The following ZNF407 variants were observed in gnomAD, a reference collection of about 807,000 sequenced individuals.
ZNF407 encodes zinc finger protein 407.
Under a neutral mutation model 131.2 loss-of-function variants are expected in ZNF407, and 17 were observed. That is an observed-to-expected ratio of 0.13 (90% CI 0.09 to 0.19). The LOEUF is 0.19. ZNF407 is among the 10% of genes least tolerant of loss of function. The pLI is 1.00. For synonymous variants in ZNF407, 1,156 were observed against 1,062.0 expected, an observed-to-expected ratio of 1.09 and a Z score of -1.72; for missense variants, 2,681 against 2,830.6, an observed-to-expected ratio of 0.95 and a Z score of 1.20.
chr18:74,737,198 G>T (rs1968437562), intron 3 of ZNF407, among the ~76,000 whole-genome samples: 1 of 152,122 alleles, frequency 6.6e-6, no homozygotes, highest in Non-Finnish European at 1.5e-5. Flanking sequence ...AGGCATTTTT[G>T]ATTTATTTGT....
chr18:74,936,922 T>C (rs1417418698), intron 8 of ZNF407, among the ~76,000 whole-genome samples: 1 of 152,240 alleles, frequency 6.6e-6, no homozygotes, highest in East Asian at 1.9e-4. Context: ...TTCTTTGACT[T>C]TGTGAAATTT....
intron 3 of ZNF407, among the ~76,000 whole-genome samples, chr18:74,755,771 T>TTCTTTCTTTCTTTC (rs1265035731): frequency 2.5e-4 from 33 of 130,572 alleles, no homozygotes; most frequent in Non-Finnish European, 4.2e-4. Context: ...CTTTCTTTCT[T>TTCTTTCTTTCTTTC]TCTCTCTCTC....
chr18:74,673,381 G>A (rs79289128), intron 3 of ZNF407, among the ~76,000 whole-genome samples: 38 of 152,300 alleles, frequency 2.5e-4, no homozygotes, highest in African/African-American at 6.7e-4. Flanking sequence ...TTGTCCAGGC[G>A]TTTGTGCTCA....
chr18:74,852,013 T>TG (rs1970791147), intron 4 of ZNF407, among the ~76,000 whole-genome samples: 1 of 152,176 alleles, frequency 6.6e-6, no homozygotes, highest in African/African-American at 2.4e-5. Flanking sequence ...TGGCAGTGGT[T>TG]GGGTCATAGA....
intron 4 of ZNF407, among the ~76,000 whole-genome samples, chr18:74,841,650 T>C (rs1970635484): frequency 6.6e-6 from 1 of 152,230 alleles, no homozygotes. Context: ...ATGATGTTAA[T>C]TGTAGAATCA....
chr18:74,692,175 T>A (rs1967240791), intron 3 of ZNF407, among the ~76,000 whole-genome samples: 1 of 152,040 alleles, frequency 6.6e-6, no homozygotes, highest in African/African-American at 2.4e-5. Flanking sequence ...ATATGCCTGA[T>A]GATGGCCGTA....
Position 74,859,268 on chromosome 18 carries a change from T to A in ZNF407, c.4878-17929T>A, listed in dbSNP as rs555218034. Among the ~76,000 whole-genome samples, 21 of 152,328 alleles carry A rather than the reference T, an allele frequency of 1.4e-4. No homozygotes were observed. The East Asian group carries it at 4.0e-3, about 29-fold the overall frequency. ...CCATTATAAGTAACATCACCCTTTGTGATTCCCAAAACTGTTTCTATCACA... is the reference window on the plus strand; with the variant it reads ...CCATTATAAGTAACATCACCCTTTGAGATTCCCAAAACTGTTTCTATCACA... On this transcript the variant is annotated intron_variant, in intron 4 of 8. Coordinates refer to ENST00000299687, the MANE Select transcript of ZNF407 (RefSeq NM_017757.3).
At chr18:74,667,379 A>C (rs1175815899) in intron 3 of ZNF407, among the ~76,000 whole-genome samples, 2 of 152,220 alleles carry the variant, frequency 1.3e-5, no homozygotes, top group African/African-American at 4.8e-5. Flanking sequence ...TAGTACATAC[A>C]GCTTTAATAA....
chr18:75,034,787 T>C (rs1224529522), intron 8 of ZNF407, among the ~76,000 whole-genome samples: 2 of 152,218 alleles, frequency 1.3e-5, no homozygotes, highest in African/African-American at 4.8e-5. Context: ...CATAATGCTA[T>C]TGTGTAGAAG....
At chr18:74,843,453 T>G (rs1221294439) in intron 4 of ZNF407, among the ~76,000 whole-genome samples, 2 of 152,198 alleles carry the variant, frequency 1.3e-5, no homozygotes, top group African/African-American at 2.4e-5. Flanking sequence ...TGAACAAAAG[T>G]GTACCTTATC....
At chr18:74,927,821 A>G (rs1359598246) in intron 8 of ZNF407, among the ~76,000 whole-genome samples, 1 of 148,038 alleles carries the variant, frequency 6.8e-6, no homozygotes, top group African/African-American at 2.5e-5. Flanking sequence ...AACAACAAAC[A>G]TATATATGTG....
At chr18:74,936,437 G>C (rs1972040887) in intron 8 of ZNF407, among the ~76,000 whole-genome samples, 1 of 152,188 alleles carries the variant, frequency 6.6e-6, no homozygotes, top group Non-Finnish European at 1.5e-5. Flanking sequence ...CGTTTTATCT[G>C]AGTGTTTGTT....
chr18:74,893,440 G>C lies in ZNF407; in HGVS notation c.5249+3402G>C, dbSNP rs894930110. On this transcript the variant is annotated intron_variant, in intron 7 of 8. Coordinates refer to ENST00000299687, the MANE Select transcript of ZNF407 (RefSeq NM_017757.3). ...TATGAATAGGCTTTCTTTTACTACT[G>C]AACAAAAGGCAAGTTCACCTTGACC... Among the ~76,000 whole-genome samples the C allele has an allele frequency of 4.5e-4, 69 of 152,164 alleles. 1 individual carries two copies. Among genetic ancestry groups the C allele is most frequent in the African/African-American group, 1.5e-3 (64 of 41,544 alleles).
intron 4 of ZNF407, among the ~76,000 whole-genome samples, chr18:74,858,440 C>G (rs1387483479): frequency 6.6e-6 from 1 of 152,114 alleles, no homozygotes; most frequent in African/African-American, 2.4e-5. Context: ...GCCATACTAC[C>G]TATCCTGAAA....
chr18:74,877,088 G>A (rs183569210), intron 4 of ZNF407, 109 bp from the exon 5 acceptor site: 12,806 of 918,830 alleles, frequency 0.014, 127 homozygotes, highest in Non-Finnish European at 0.017. Flanking sequence ...AGTGCTCCTC[G>A]CAGAGGCTGC....
At chr18:74,606,439 G>A (rs975238006) in intron 1 of ZNF407, among the ~76,000 whole-genome samples, 6 of 151,982 alleles carry the variant, frequency 3.9e-5, no homozygotes, top group Non-Finnish European at 5.9e-5. Flanking sequence ...GAGTAGATAC[G>A]GGGTCTTGCC....
intron 8 of ZNF407, among the ~76,000 whole-genome samples, chr18:74,994,678 G>A (rs974876773): frequency 1.3e-5 from 2 of 152,176 alleles, no homozygotes; most frequent in African/African-American, 4.8e-5. Flanking sequence ...TTACAGTGCA[G>A]TTCACTTTGG....
intron 3 of ZNF407, among the ~76,000 whole-genome samples, chr18:74,774,601 A>C (rs1398954286): frequency 6.6e-6 from 1 of 152,244 alleles, no homozygotes; most frequent in East Asian, 1.9e-4. Flanking sequence ...AATCATGAGG[A>C]AACAATCAGA....
At chr18:74,732,970 A>G (rs1327447291) in intron 3 of ZNF407, among the ~76,000 whole-genome samples, 1 of 152,192 alleles carries the variant, frequency 6.6e-6, no homozygotes, top group African/African-American at 2.4e-5. Flanking sequence ...CAGTCTAAAC[A>G]TTGAAGCAGT....
Sources: gnomAD v4.1 joint callset for allele counts (sites outside exome capture counted in the v4.1 genomes callset) on GRCh38, gnomAD v4.1.1 for gene constraint, MANE v1.5 for transcripts, NCBI Gene and HGNC (gene_info 2026-07-23, HGNC 2026-07-21) for gene names.